SRRM4: variants seen among roughly 807,000 people sequenced by gnomAD.
SRRM4 encodes the protein serine/arginine repetitive matrix protein 4.
In SRRM4, 33 loss-of-function variants were observed where a neutral mutation model predicts 68.9. That is an observed-to-expected ratio of 0.48 (90% confidence interval 0.36 to 0.64). The LOEUF is 0.64. SRRM4 is among the 30% of genes least tolerant of loss of function. The pLI is 0.00. For missense variants in SRRM4, 817 were observed against 827.1 expected (o/e 0.99, Z 0.15); for synonymous variants, 318 against 318.8 (o/e 1.00, Z 0.03).
chr12:119,030,532 AAAAAG>A (rs879857099), intron 1 of SRRM4, among the ~76,000 whole-genome samples: 2 of 151,926 alleles, frequency 1.3e-5, no homozygotes, highest in Non-Finnish European at 2.9e-5. Flanking sequence ...AAGTACAGAA[AAAAAG>A]AATATAAAAA....
chr12:119,127,494 G>A (rs181980786), intron 7 of SRRM4, among the ~76,000 whole-genome samples: 13 of 152,220 alleles, frequency 8.5e-5, no homozygotes, highest in South Asian at 4.2e-4. Context: ...TTGGGGGGCC[G>A]AGGTGGGCAG....
chr12:119,144,371 T>G (rs1954387494), intron 8 of SRRM4, among the ~76,000 whole-genome samples: 1 of 152,122 alleles, frequency 6.6e-6, no homozygotes, highest in Admixed American at 6.5e-5. Context: ...AAAACAGAAT[T>G]GATGCCCCCA....
At chr12:119,120,329 C>T (rs1182843303) in intron 5 of SRRM4, 53 bp downstream of exon 5, 12 of 1,544,768 alleles carry the variant, frequency 7.8e-6, no homozygotes, top group African/African-American at 1.4e-5. Context: ...TCTCAGCCAG[C>T]TTGGGGCAGC....
At position 119,156,611 on chromosome 12, in the gene SRRM4, C is replaced by CCCGGAGCCGGAG. The variant is rs774714177; in HGVS notation, c.1650_1661dup (p.Ser556_Arg559dup). 1 of 1,610,272 alleles carries CCCGGAGCCGGAG rather than the reference C, an allele frequency of 6.2e-7. No homozygotes were observed. The highest frequency in any genetic ancestry group is 8.5e-7 in the Non-Finnish European group (1 of 1,179,316). ...AGCCGCTCGGCCAGCCGCAGCTACT[C>CCCGGAGCCGGAG]CCGGAGCCGGAGTCGGAGCCGGAGC... On this transcript the variant is annotated inframe_insertion, in exon 13 of 13. Transcript: ENST00000267260.
intron 1 of SRRM4, among the ~76,000 whole-genome samples, chr12:118,998,491 G>T (rs555883118): frequency 6.6e-6 from 1 of 152,236 alleles, no homozygotes; most frequent in East Asian, 1.9e-4. Context: ...CACCTGGAAG[G>T]GGATGTTACA....
chr12:119,073,547 A>G (rs1051177461), intron 1 of SRRM4, among the ~76,000 whole-genome samples: 1 of 151,474 alleles, frequency 6.6e-6, no homozygotes, highest in Admixed American at 6.6e-5. Context: ...CTCATCTCTA[A>G]CTCCTTACTT....
At chr12:119,072,316 A>T (rs1395786028) in intron 1 of SRRM4, among the ~76,000 whole-genome samples, 1 of 152,070 alleles carries the variant, frequency 6.6e-6, no homozygotes, top group Non-Finnish European at 1.5e-5. Flanking sequence ...CTGTCATAGA[A>T]CCTCGGAGGT....
At chr12:119,009,909 A>G (rs76273440) in intron 1 of SRRM4, among the ~76,000 whole-genome samples, 2,993 of 152,246 alleles carry the variant, frequency 0.02, 88 homozygotes, top group African/African-American at 0.068. Context: ...CTGCCAGAAC[A>G]ATTTTTCTCC....
chr12:119,009,541 G>C (rs972938796), intron 1 of SRRM4, among the ~76,000 whole-genome samples: 5 of 152,212 alleles, frequency 3.3e-5, no homozygotes, highest in African/African-American at 9.6e-5. Flanking sequence ...GCAAGGCTTT[G>C]ATCTCTGCAC....
chr12:119,014,400 T>C (rs1953468861), intron 1 of SRRM4, among the ~76,000 whole-genome samples: 2 of 151,812 alleles, frequency 1.3e-5, no homozygotes, highest in South Asian at 4.2e-4. Context: ...ACCCCCCACC[T>C]CTCTACCAAG....
chr12:119,045,374 C>T (rs1291391078), intron 1 of SRRM4, among the ~76,000 whole-genome samples: 2 of 148,788 alleles, frequency 1.3e-5, no homozygotes, highest in Non-Finnish European at 3.0e-5. Context: ...GATGAAAACG[C>T]CTCCCTTCCA....
At position 119,071,402 on chromosome 12, in the gene SRRM4, G is replaced by A. The variant is rs144659545; in HGVS notation, c.132-30834G>A. 3.2e-4 allele frequency among the ~76,000 whole-genome samples: 48 copies of A among 152,266 alleles called. 1 individual carries two copies. The highest frequency in any genetic ancestry group is 8.4e-4 in the African/African-American group (35 of 41,562). ...TACCCTCTCTGAGCCCCAATAATGC[G>A]GTTGTGAGAATTAAATCTGTCTATG... On this transcript the variant is annotated intron_variant, in intron 1 of 12. Coordinates refer to ENST00000267260, the MANE Select transcript of SRRM4 (RefSeq NM_194286.4).
At chr12:119,020,089 C>A (rs1163343305) in intron 1 of SRRM4, among the ~76,000 whole-genome samples, 1 of 151,926 alleles carries the variant, frequency 6.6e-6, no homozygotes, top group South Asian at 2.1e-4. Flanking sequence ...AGGGTAAACT[C>A]CAGCCCTCAC....
At chr12:119,023,758 T>C (rs975340324) in intron 1 of SRRM4, among the ~76,000 whole-genome samples, 1 of 152,190 alleles carries the variant, frequency 6.6e-6, no homozygotes, top group Non-Finnish European at 1.5e-5. Flanking sequence ...CTCATCCCAT[T>C]TTCCCTCCCA....
At chr12:119,016,381 A>AG (rs892535665) in intron 1 of SRRM4, among the ~76,000 whole-genome samples, 13 of 151,704 alleles carry the variant, frequency 8.6e-5, no homozygotes, top group African/African-American at 3.2e-4. Flanking sequence ...ACACTCTATG[A>AG]GGGGGACTCT....
At chr12:118,993,007 A>G (rs1953326458) in intron 1 of SRRM4, among the ~76,000 whole-genome samples, 1 of 152,256 alleles carries the variant, frequency 6.6e-6, no homozygotes, top group South Asian at 2.1e-4. Context: ...TCACATCATG[A>G]AATAATGATA....
chr12:118,988,528 C>T (rs1025749658), intron 1 of SRRM4, among the ~76,000 whole-genome samples: 6 of 152,142 alleles, frequency 3.9e-5, no homozygotes, highest in African/African-American at 1.4e-4. Flanking sequence ...GTCTGCATTC[C>T]ATGAACAACC....
chr12:118,988,223 G>T (rs1953295178), intron 1 of SRRM4, among the ~76,000 whole-genome samples: 1 of 152,130 alleles, frequency 6.6e-6, no homozygotes, highest in Admixed American at 6.5e-5. Flanking sequence ...CTGCAAAATG[G>T]GGATGATTCT....
At chr12:119,085,783 G>A (rs1953976283) in intron 1 of SRRM4, among the ~76,000 whole-genome samples, 1 of 152,174 alleles carries the variant, frequency 6.6e-6, no homozygotes, top group Admixed American at 6.5e-5. Context: ...AGACGGTGGT[G>A]GCTTGGACCA....
Sources: allele counts gnomAD v4.1 joint callset (sites outside exome capture counted in the v4.1 genomes callset), GRCh38; gene constraint gnomAD v4.1.1; transcripts MANE v1.5; gene names NCBI Gene and HGNC (gene_info 2026-07-23, HGNC 2026-07-21).